The following MAGI2 variants were observed in gnomAD, a reference collection of about 807,000 sequenced individuals.
The protein encoded by MAGI2 is membrane associated guanylate kinase, WW and PDZ domain containing 2.
MAGI2 carries 35 observed loss-of-function variants against 133.3 expected under a neutral mutation model. That is an observed-to-expected ratio of 0.26 (90% CI 0.20 to 0.35). MAGI2 has a LOEUF of 0.35. MAGI2 is among the 10% of genes least tolerant of loss of function. MAGI2 has a pLI of 1.00. For missense variants in MAGI2, 1,636 were observed against 1,863.4 expected (o/e 0.88, Z 2.25); for synonymous variants, 729 against 710.6 (o/e 1.03, Z -0.41).
At chr7:79,141,671 G>A (rs538805110) in intron 1 of MAGI2, among the ~76,000 whole-genome samples, 14 of 151,772 alleles carry the variant, frequency 9.2e-5, no homozygotes, top group Admixed American at 2.0e-4. Flanking sequence ...TACCCAAAAC[G>A]TCAATTCCAG....
At chr7:79,402,971 C>T (rs1253734709) in intron 1 of MAGI2, among the ~76,000 whole-genome samples, 1 of 152,168 alleles carries the variant, frequency 6.6e-6, no homozygotes, top group Non-Finnish European at 1.5e-5. Context: ...TCAGTTTACA[C>T]ATCCATAACA....
intron 1 of MAGI2, among the ~76,000 whole-genome samples, chr7:79,130,928 CATTCATTT>C (rs1424658582): frequency 5.8e-4 from 86 of 147,884 alleles, no homozygotes; most frequent in African/African-American, 1.0e-3. Context: ...TTCATTCATT[CATTCATTT>C]ATTCATTCAC....
chr7:78,088,275 C>T (rs528942396), intron 20 of MAGI2, among the ~76,000 whole-genome samples: 45 of 152,250 alleles, frequency 3.0e-4, no homozygotes, highest in African/African-American at 1.1e-3. Flanking sequence ...TCCTTGTTTT[C>T]CTGAAGCTAA....
chr7:78,299,638 T>C (rs964023093), intron 9 of MAGI2, among the ~76,000 whole-genome samples: 4 of 152,098 alleles, frequency 2.6e-5, no homozygotes, highest in East Asian at 1.9e-4. Flanking sequence ...ATGTACAAGA[T>C]GTACAGGTTT....
At chr7:78,902,506 T>C (rs1417568367) in intron 2 of MAGI2, 1 of 152,148 alleles carries the variant, frequency 6.6e-6, no homozygotes, top group Non-Finnish European at 1.5e-5. Flanking sequence ...CCTCAGATCA[T>C]ATTCATAGAG....
At chr7:78,371,977 C>A (rs931722522) in intron 6 of MAGI2, among the ~76,000 whole-genome samples, 5 of 152,112 alleles carry the variant, frequency 3.3e-5, no homozygotes, top group African/African-American at 1.2e-4. Context: ...GATGGAGGAA[C>A]CTTACAGGAA....
At chr7:78,712,503 G>A (rs323136) in intron 2 of MAGI2, among the ~76,000 whole-genome samples, 103,807 of 152,124 alleles carry the variant, frequency 0.68, 35,860 homozygotes, top group African/African-American at 0.79. Flanking sequence ...TAACGCTGCA[G>A]TATCTTTGCT....
chr7:79,343,933 A>C (rs1272849858), intron 1 of MAGI2, among the ~76,000 whole-genome samples: 1 of 152,196 alleles, frequency 6.6e-6, no homozygotes, highest in Non-Finnish European at 1.5e-5. Flanking sequence ...TTAACTTTAC[A>C]TAGAGATTGC....
intron 1 of MAGI2, among the ~76,000 whole-genome samples, chr7:79,171,106 C>A (rs1825496850): frequency 6.6e-6 from 1 of 152,010 alleles, no homozygotes; most frequent in African/African-American, 2.4e-5. Flanking sequence ...TACAAAGTAC[C>A]ATAAACTGGG....
rs71515391 is a variant in MAGI2, at chr7:78,161,667, T to TAAAAA, written c.2597-1399_2597-1395dup. Among the ~76,000 whole-genome samples the TAAAAA allele has an allele frequency of 8.9e-4, 61 of 68,878 alleles. 1 individual carries two copies. The highest frequency in any genetic ancestry group is 2.1e-3 in the East Asian group (4 of 1,866). The allele number at this position is 68,878 out of a possible 152,430, so 45.2% of individuals were successfully genotyped here. On this transcript the variant is annotated intron_variant, in intron 15 of 21. Coordinates refer to ENST00000354212, the MANE Select transcript of MAGI2 (RefSeq NM_012301.4). ...AGAGACGTTTTGTTACATCGATACC[T>TAAAAA]AAAAAAAAAAAAAAAAAAAAGAAAA...
At chr7:78,298,656 C>T (rs934789413) in intron 9 of MAGI2, among the ~76,000 whole-genome samples, 1 of 151,844 alleles carries the variant, frequency 6.6e-6, no homozygotes, top group Non-Finnish European at 1.5e-5. Flanking sequence ...GGAACTGCCA[C>T]CACCCTTGGC....
At chr7:79,194,755 G>T (rs139223051) in intron 1 of MAGI2, among the ~76,000 whole-genome samples, 1 of 150,832 alleles carries the variant, frequency 6.6e-6, no homozygotes. Flanking sequence ...TGAGAATTTC[G>T]TTTCTCTTAG....
rs148565527 is a variant in MAGI2, at chr7:78,219,590, T to C, written c.2048-18397A>G. 2.2e-3 allele frequency among the ~76,000 whole-genome samples: 328 copies of C among 152,272 alleles called. 1 individual carries two copies. Among genetic ancestry groups the C allele is most frequent in the African/African-American group, 7.5e-3 (310 of 41,556 alleles). The stretch of plus-strand genomic sequence containing the variant: ...CCCCCACCGATGTCAAGACCAACTG[T>C]TCAGCTGTATTTACACTGACTATTC... On this transcript the variant is annotated intron_variant, in intron 10 of 21. Coordinates refer to ENST00000354212, the MANE Select transcript of MAGI2 (RefSeq NM_012301.4).
intron 1 of MAGI2, among the ~76,000 whole-genome samples, chr7:79,093,639 G>C (rs1817263601): frequency 6.6e-6 from 1 of 151,512 alleles, no homozygotes; most frequent in Non-Finnish European, 1.5e-5. Flanking sequence ...AAGGGTGGTG[G>C]TTGCTCAAGG....
intron 9 of MAGI2, among the ~76,000 whole-genome samples, chr7:78,301,297 C>A (rs2151073058): frequency 6.6e-6 from 1 of 152,278 alleles, no homozygotes; most frequent in Admixed American, 6.5e-5. Flanking sequence ...ATAAAACTTT[C>A]AAGAAAGATC....
chr7:78,021,736 A>G (rs1038001224), intron 21 of MAGI2, among the ~76,000 whole-genome samples: 2 of 152,194 alleles, frequency 1.3e-5, no homozygotes, highest in Non-Finnish European at 2.9e-5. Flanking sequence ...AAAATCCTAG[A>G]AGTCCTGGAA....
At chr7:79,390,500 A>T (rs1844522683) in intron 1 of MAGI2, among the ~76,000 whole-genome samples, 1 of 152,254 alleles carries the variant, frequency 6.6e-6, no homozygotes, top group South Asian at 2.1e-4. Context: ...TATAAATGAC[A>T]TTCACAAATT....
At chr7:78,820,420 G>A (rs2151425214) in intron 2 of MAGI2, among the ~76,000 whole-genome samples, 1 of 151,852 alleles carries the variant, frequency 6.6e-6, no homozygotes, top group East Asian at 1.9e-4. Context: ...CAAACCTGAA[G>A]GAACGGAGAG....
chr7:79,315,018 T>G lies in MAGI2; in HGVS notation c.301+138002A>C, dbSNP rs1838593816. Among the ~76,000 whole-genome samples the G allele has an allele frequency of 2.0e-5, 3 of 152,204 alleles. No homozygotes were observed. The East Asian group carries it at 5.8e-4, about 29-fold the overall frequency. Reference sequence around the variant, plus strand: ...TTATGTGACATAATAAATCACTTATTGTTTAGGCTGGTTTGAGCTGGATTT... The same window carrying G: ...TTATGTGACATAATAAATCACTTATGGTTTAGGCTGGTTTGAGCTGGATTT... On this transcript the variant is annotated intron_variant, in intron 1 of 21. Coordinates refer to ENST00000354212, the MANE Select transcript of MAGI2 (RefSeq NM_012301.4).
Sources: allele counts gnomAD v4.1 joint callset (sites outside exome capture counted in the v4.1 genomes callset), GRCh38; gene constraint gnomAD v4.1.1; transcripts MANE v1.5; gene names NCBI Gene and HGNC (gene_info 2026-07-23, HGNC 2026-07-21).